The following TRAPPC13 variants were observed in gnomAD, a reference collection of about 807,000 sequenced individuals.
The protein encoded by TRAPPC13 is trafficking protein particle complex subunit 13.
Under a neutral mutation model 54.0 loss-of-function variants are expected in TRAPPC13, and 39 were observed. The ratio of observed to expected loss-of-function variants is 0.72; its 90% CI spans 0.56 to 0.94. TRAPPC13 has a LOEUF of 0.94. TRAPPC13 is among the 40% of genes least tolerant of loss of function. TRAPPC13 has a pLI of 0.00. For synonymous variants in TRAPPC13, 148 were observed against 167.7 expected, an observed-to-expected ratio of 0.88 and a Z score of 0.91; for missense variants, 386 against 488.1, an observed-to-expected ratio of 0.79 and a Z score of 1.97.
intron 4 of TRAPPC13, among the ~76,000 whole-genome samples, chr5:65,642,817 C>T (rs1317874798): frequency 2.0e-5 from 3 of 152,164 alleles, no homozygotes; most frequent in Non-Finnish European, 4.4e-5. Context: ...CATACCACCA[C>T]ACCTGGCTAA....
At chr5:65,662,354 T>C in intron 11 of TRAPPC13, 1 of 398,658 alleles carries the variant, frequency 2.5e-6, no homozygotes. Flanking sequence ...ATGCATCTTC[T>C]GTATTTTATT....
In TRAPPC13 at chr5:65,637,676, A is replaced by G. The variant is rs1755803127; in HGVS notation, c.216-20A>G. ...AAAACCTGAATGGATTTCTGCCTAA[A>G]TACTTATTTTATTTTACAGGAATAT... On this transcript the variant is annotated intron_variant, in intron 3 of 12. Coordinates refer to ENST00000399438, the MANE Select transcript of TRAPPC13 (RefSeq NM_024941.4). 1 of 1,395,624 alleles carries G rather than the reference A, an allele frequency of 7.2e-7. No individual in the cohort carries two copies. Among genetic ancestry groups the G allele is most frequent in the Non-Finnish European group, 9.9e-7 (1 of 1,008,680 alleles). The allele number at this position is 1,395,624 out of a possible 1,614,324, so 86.5% of individuals were successfully genotyped here.
intron 4 of TRAPPC13, among the ~76,000 whole-genome samples, chr5:65,643,680 G>A (rs972117407): frequency 2.0e-5 from 3 of 152,032 alleles, no homozygotes; most frequent in African/African-American, 7.2e-5. Context: ...AGCCGGGTGT[G>A]ATGGCGGGCG....
At chr5:65,633,406 G>T (rs890513455) in intron 1 of TRAPPC13, among the ~76,000 whole-genome samples, 3 of 151,830 alleles carry the variant, frequency 2.0e-5, no homozygotes, top group Non-Finnish European at 2.9e-5. Context: ...CAGCCTCTGC[G>T]AGTAGCTGGG....
chr5:65,648,615 T>C (rs576797006), intron 5 of TRAPPC13, among the ~76,000 whole-genome samples: 1 of 152,314 alleles, frequency 6.6e-6, no homozygotes, highest in Admixed American at 6.5e-5. Flanking sequence ...ATACTATTCT[T>C]ACTGTGAGCA....
intron 1 of TRAPPC13, chr5:65,630,718 T>C (rs1444657471): frequency 5.1e-6 from 5 of 975,528 alleles, no homozygotes; most frequent in Non-Finnish European, 6.1e-6. Flanking sequence ...TGGAGTGCTA[T>C]TTATGTGGCA....
intron 7 of TRAPPC13, among the ~76,000 whole-genome samples, chr5:65,654,673 C>T (rs1420893060): frequency 6.6e-6 from 1 of 152,182 alleles, no homozygotes; most frequent in Admixed American, 6.5e-5. Context: ...ATTGGCCCCA[C>T]ATCTGTCTCA....
At chr5:65,625,546 C>T (rs1755175520) in intron 1 of TRAPPC13, 1 of 162,288 alleles carries the variant, frequency 6.2e-6, no homozygotes, top group Non-Finnish European at 1.3e-5. Context: ...CATAGTAATA[C>T]AACATATAAC....
intron 2 of TRAPPC13, 133 bp downstream of exon 2, chr5:65,635,502 G>C (rs1755714025): frequency 1.4e-6 from 1 of 720,648 alleles, no homozygotes; most frequent in East Asian, 2.7e-5. Context: ...GCCTATTTTT[G>C]TATCATGTGA....
intron 4 of TRAPPC13, 126 bp from the exon 5 acceptor site, chr5:65,646,929 G>A (rs2150679269): frequency 2.2e-6 from 2 of 898,734 alleles, no homozygotes; most frequent in East Asian, 5.4e-5. Context: ...ACATAAAAGT[G>A]TTGCTCCCCC....
In TRAPPC13 at chr5:65,637,767, A is replaced by G; in HGVS notation, c.287A>G (p.Asp96Gly). The G allele has an allele frequency of 6.4e-7, 1 of 1,561,430 alleles. No homozygotes were observed. The highest frequency in any genetic ancestry group is 8.7e-7 in the Non-Finnish European group (1 of 1,149,378). Residue 96 changes from aspartate to glycine, a missense_variant, in exon 4 of 13, where the codon GAC (aspartate) becomes GGC (glycine). Coordinates refer to ENST00000399438, the MANE Select transcript of TRAPPC13 (RefSeq NM_024941.4). The stretch of plus-strand genomic sequence containing the variant: ...AATGATAGCAATCAAGTTGTAAAAG[A>G]CATATTAGTAAAAGTAAGTAACATT... ...VHNDSNQVVK[D>G]ILVKADLQTS...
At chr5:65,635,273 T>C in intron 1 of TRAPPC13, 28 bp from the exon 2 acceptor site, 1 of 1,594,206 alleles carries the variant, frequency 6.3e-7, no homozygotes, top group Non-Finnish European at 8.6e-7. Context: ...ATTAATGTTT[T>C]GTTTTCTTTT....
intron 1 of TRAPPC13, 87 bp downstream of exon 1, chr5:65,625,193 C>A: frequency 8.9e-7 from 1 of 1,122,996 alleles, no homozygotes; most frequent in Non-Finnish European, 1.4e-6. Context: ...CCTCATCCTT[C>A]TTAAACACTC....
intron 1 of TRAPPC13, chr5:65,634,830 T>TA (rs1755688042): frequency 8.5e-6 from 2 of 234,982 alleles, no homozygotes; most frequent in African/African-American, 4.7e-5. Context: ...ACCTGGGAGA[T>TA]AGAGGTTGCA....
intron 10 of TRAPPC13, chr5:65,661,147 C>A (rs1756838674): frequency 6.7e-6 from 2 of 298,268 alleles, no homozygotes; most frequent in Admixed American, 1.2e-4. Flanking sequence ...ATTAAAATAA[C>A]TGTTATTAAG....
At chr5:65,643,544 T>C (rs62372491) in intron 4 of TRAPPC13, among the ~76,000 whole-genome samples, 11,234 of 151,720 alleles carry the variant, frequency 0.074, 420 homozygotes, top group East Asian at 0.099. Context: ...TTCGGCTGGG[T>C]GGGGTGGCTC....
At chr5:65,637,545 G>A in intron 3 of TRAPPC13, 151 bp from the exon 4 acceptor site, 2 of 426,706 alleles carry the variant, frequency 4.7e-6, no homozygotes, top group Non-Finnish European at 8.6e-6. Flanking sequence ...GCAGGAGAAT[G>A]GGGTGAACAT....
rs750440414 is a variant in TRAPPC13, at chr5:65,625,081, A to G, written c.21A>G (p.Lys7=). The G allele has an allele frequency of 2.4e-5, 39 of 1,613,754 alleles. No individual in the cohort carries two copies. The South Asian group carries it at 3.5e-4, about 15-fold the overall frequency. The change falls in exon 1 of 13, where the codon AAA becomes AAG. Residue 7 remains lysine, a synonymous_variant. Coordinates refer to ENST00000399438, the MANE Select transcript of TRAPPC13 (RefSeq NM_024941.4). ...TCAAAATGGAAGTGAATCCCCCTAA[A>G]CAGGAGCACCTGCTGGCGCTAAAAG... is the stretch of plus-strand genomic sequence containing the variant. The part of the protein sequence containing the change: MEVNPP[K]QEHLLALKVM...
chr5:65,640,372 A>G (rs1755918800), intron 4 of TRAPPC13, among the ~76,000 whole-genome samples: 1 of 152,226 alleles, frequency 6.6e-6, no homozygotes, highest in Non-Finnish European at 1.5e-5. Flanking sequence ...CACCGCCTCT[A>G]CAAACAAACA....
Sources: gnomAD v4.1 joint callset for allele counts (sites outside exome capture counted in the v4.1 genomes callset) on GRCh38, gnomAD v4.1.1 for gene constraint, MANE v1.5 for transcripts, NCBI Gene and HGNC (gene_info 2026-07-23, HGNC 2026-07-21) for gene names.